ZNF318: variants seen among roughly 807,000 people sequenced by gnomAD.
ZNF318 encodes the protein zinc finger protein 318, also known as endocrine regulator.
In ZNF318, 51 loss-of-function variants were observed where a neutral mutation model predicts 124.2. That is an observed-to-expected ratio of 0.41 (90% CI 0.33 to 0.52). ZNF318 has a LOEUF of 0.52. Among genes scored for constraint, ZNF318 ranks in the 20% least tolerant of loss-of-function variants. The probability of loss-of-function intolerance (pLI) is 0.23; values close to 1 mark genes in which losing one functional copy is unlikely to be tolerated. For missense variants in ZNF318, 2,815 were observed against 2,811.2 expected, an observed-to-expected ratio of 1.00 and a Z score of -0.03; for synonymous variants, 1,090 against 1,040.7, an observed-to-expected ratio of 1.05 and a Z score of -0.91.
chr6:43,348,686 T>C (rs1184289712), intron 5 of ZNF318, 61 bp from the exon 6 acceptor site: 9 of 1,552,318 alleles, frequency 5.8e-6, no homozygotes, highest in Non-Finnish European at 5.2e-6. Flanking sequence ...CATTTCTCAT[T>C]TACAAGCAAT....
chr6:43,362,194 G>T (rs1779688418), intron 2 of ZNF318, among the ~76,000 whole-genome samples: 1 of 152,000 alleles, frequency 6.6e-6, no homozygotes, highest in South Asian at 2.1e-4. Flanking sequence ...AGGCGCGGTG[G>T]CTCACACCTG....
Position 43,340,081 on chromosome 6 carries a change from T to G in ZNF318, c.3917A>C (p.Asp1306Ala), listed in dbSNP as rs1385886257. ...AGCTTCAGTTTTGCCATCCTCTTTG[T>G]CCTTACTACTTTCTAGAATCTCTTC... ...SKEEILESSK[D>A]KEDGKTEAGK... is the part of the protein sequence containing the mutation. Residue 1306 changes from aspartate (D) to alanine (A), a missense_variant, in exon 10 of 10, where the codon GAC becomes GCC. By Grantham distance (126) the Asp-to-Ala change is moderately radical. Around this residue, in one of 4 missense-constraint regions of ZNF318, gnomAD observed 500 missense variants for 605.2 expected, o/e 0.83. Coordinates refer to ENST00000361428, the MANE Select transcript of ZNF318 (RefSeq NM_014345.3). The G allele has an allele frequency of 1.2e-6, 2 of 1,614,226 alleles. No individual in the cohort carries two copies. The highest frequency in any genetic ancestry group is 4.5e-5 in the East Asian group (2 of 44,880).
intron 6 of ZNF318, among the ~76,000 whole-genome samples, chr6:43,346,434 TTG>T (rs1362728758): frequency 1.3e-5 from 2 of 150,454 alleles, no homozygotes; most frequent in Non-Finnish European, 2.9e-5. Context: ...TGAGCCGAGA[TTG>T]CGCCACTGCA....
At position 43,355,774 on chromosome 6, in the gene ZNF318, T is replaced by C. The variant is rs748331456; in HGVS notation, c.1560A>G (p.Thr520=). Residue 520 remains threonine, a synonymous_variant, in exon 4 of 10, where the codon ACA becomes ACG. Coordinates refer to ENST00000361428, the MANE Select transcript of ZNF318 (RefSeq NM_014345.3). ...ILSMLADSTS[T]QEKRRRSFPD... ...GAAAGCTACGTCGCCTTTTTTCCTG[T>C]GTACTGGTAGAATCAGCCAACATGC... 1 of 1,614,254 alleles carries C rather than the reference T, an allele frequency of 6.2e-7. No homozygotes were observed. Among genetic ancestry groups the C allele is most frequent in the East Asian group, 2.2e-5 (1 of 44,894 alleles).
Position 43,369,508 on chromosome 6 carries a change from G to GGCCCCGCGTC in ZNF318, c.-153_-144dup, listed in dbSNP as rs1779809958. ...GCCGCGGGAGCAGCCCCCTCCCCTC[G>GGCCCCGCGTC]GCCCCGCGTCGCCCCGGGGGCCCGG... is the stretch of plus-strand genomic sequence containing the variant. On this transcript the variant is annotated 5_prime_UTR_variant, in exon 1 of 10. Transcript: ENST00000361428. 1.7e-6 allele frequency: 1 copy of GGCCCCGCGTC among 590,092 alleles called. No individual in the cohort carries two copies. Among genetic ancestry groups the GGCCCCGCGTC allele is most frequent in the Non-Finnish European group, 2.2e-6 (1 of 462,672 alleles). 36.6% of individuals were successfully genotyped at this position (590,092 alleles called of 1,614,324 possible).
chr6:43,367,209 T>G (rs1464107818), intron 1 of ZNF318, among the ~76,000 whole-genome samples: 1 of 152,218 alleles, frequency 6.6e-6, no homozygotes, highest in Non-Finnish European at 1.5e-5. Context: ...ACCATCGCAT[T>G]TCTAACTTCA....
At chr6:43,358,333 C>T (rs1446189715) in intron 2 of ZNF318, among the ~76,000 whole-genome samples, 2 of 150,300 alleles carry the variant, frequency 1.3e-5, no homozygotes, top group African/African-American at 4.9e-5. Flanking sequence ...CTGCAAGCTC[C>T]GCCTCTCAGG....
chr6:43,344,868 G>T (rs1562130082), intron 6 of ZNF318, among the ~76,000 whole-genome samples: 1 of 150,992 alleles, frequency 6.6e-6, no homozygotes, highest in South Asian at 2.1e-4. Flanking sequence ...TAATGTATTT[G>T]GAATATATAA....
Position 43,369,356 on chromosome 6 carries a change from T to G in ZNF318, c.10A>C (p.Ser4Arg). The G allele has an allele frequency of 5.3e-6, 7 of 1,322,164 alleles. No homozygotes were observed. Among genetic ancestry groups the G allele is most frequent in the Non-Finnish European group, 6.8e-6 (7 of 1,029,040 alleles). 81.9% of individuals were successfully genotyped at this position (1,322,164 alleles called of 1,614,324 possible). ...GAAGAGACGGAGGAGCGAGCGCTGC[T>G]GCGGTACATGGTTCTTGCAGCGGCG... Reference protein sequence around the residue: MYRSSARSSVSSHR... With the variant: MYRRSARSSVSSHR... The change falls in exon 1 of 10, where the codon AGC (serine) becomes CGC (arginine). Residue 4 changes from serine to arginine, a missense_variant. By Grantham distance (110) the Ser-to-Arg change is moderately radical. Transcript: ENST00000361428.
intron 5 of ZNF318, among the ~76,000 whole-genome samples, chr6:43,351,856 T>C (rs905576202): frequency 2.0e-5 from 3 of 151,850 alleles, no homozygotes; most frequent in African/African-American, 7.3e-5. Context: ...ATGTTAATAA[T>C]CTGGCAGGGT....
In ZNF318 at chr6:43,340,265, C is replaced by T; in HGVS notation, c.3733G>A (p.Glu1245Lys). The change falls in exon 10 of 10, where the codon GAA becomes AAA. Residue 1245 changes from glutamate (E) to lysine (K), a missense_variant. Physicochemically the swap from Glu to Lys is moderately conservative, Grantham distance 56. Around this residue, in one of 4 missense-constraint regions of ZNF318, gnomAD observed 500 missense variants for 605.2 expected, o/e 0.83. Transcript: ENST00000361428. ...GTGTTCCTTTTATTTTCAGCTTTTTCAGGGGAGTTCCTACCCTCAGAGAGT... is the reference window on the plus strand; with the variant it reads ...GTGTTCCTTTTATTTTCAGCTTTTTTAGGGGAGTTCCTACCCTCAGAGAGT... ...DQLSEGRNSP[E>K]KAENKRNTGI... 3.1e-6 allele frequency: 5 copies of T among 1,613,930 alleles called. No individual in the cohort carries two copies. The highest frequency in any genetic ancestry group is 4.2e-6 in the Non-Finnish European group (5 of 1,179,976).
intron 6 of ZNF318, among the ~76,000 whole-genome samples, chr6:43,346,542 A>C (rs2150751315): frequency 6.6e-6 from 1 of 151,262 alleles, no homozygotes; most frequent in Admixed American, 6.6e-5. Context: ...AAAAAAAAAA[A>C]AAAGCAGCTC....
Position 43,340,180 on chromosome 6 carries a change from AAAG to A in ZNF318, c.3815_3817del (p.Ser1272del), listed in dbSNP as rs751681407. ...TGGCTTCTTCCAGCTGAATTTCCCA[AAAG>A]AAGATGATGTTGGTGATTCCTTCTT... On this transcript the variant is annotated inframe_deletion, in exon 10 of 10. Coordinates refer to ENST00000361428, the MANE Select transcript of ZNF318 (RefSeq NM_014345.3). The A allele has an allele frequency of 2.0e-5, 32 of 1,614,092 alleles. No individual in the cohort carries two copies. The South Asian group carries it at 2.9e-4, about 14-fold the overall frequency.
chr6:43,338,135 C>T lies in ZNF318; in HGVS notation c.5863G>A (p.Glu1955Lys). Reference sequence around the variant, plus strand: ...TTGTTTTCATCCCAAACAGCCAACTCATAGATCTTTTTAACTTGAAAGTCT... The same window carrying T: ...TTGTTTTCATCCCAAACAGCCAACTTATAGATCTTTTTAACTTGAAAGTCT... ...SKDFQVKKIY[E>K]LAVWDENKKR... is the part of the protein sequence containing the mutation. The change falls in exon 10 of 10, where the codon GAG becomes AAG. Residue 1955 changes from glutamate (E) to lysine (K), a missense_variant. By Grantham distance (56) the Glu-to-Lys change is moderately conservative (BLOSUM62 1). Around this residue, in one of 4 missense-constraint regions of ZNF318, gnomAD observed 927 missense variants for 820.6 expected, o/e 1.13. Transcript: ENST00000361428. 1 of 1,613,848 alleles carries T rather than the reference C, an allele frequency of 6.2e-7. No individual in the cohort carries two copies. The highest frequency in any genetic ancestry group is 1.1e-5 in the South Asian group (1 of 90,994).
At chr6:43,342,925 G>C in intron 6 of ZNF318, 46 bp from the exon 7 acceptor site, 1 of 1,498,248 alleles carries the variant, frequency 6.7e-7, no homozygotes, top group Non-Finnish European at 9.1e-7. Flanking sequence ...AGGCAATCTA[G>C]ACTTGTCTTC....
intron 8 of ZNF318, 43 bp downstream of exon 8, chr6:43,342,069 C>T (rs1428662498): frequency 1.3e-6 from 2 of 1,552,216 alleles, no homozygotes; most frequent in Non-Finnish European, 1.8e-6. Context: ...TCTTCCTCAA[C>T]TGAATGTAAG....
At chr6:43,359,889 G>A (rs2150756201) in intron 2 of ZNF318, among the ~76,000 whole-genome samples, 1 of 152,200 alleles carries the variant, frequency 6.6e-6, no homozygotes, top group East Asian at 1.9e-4. Context: ...GGAATAAATG[G>A]GAATAAACCA....
At chr6:43,360,178 TACTA>T (rs1314898309) in intron 2 of ZNF318, among the ~76,000 whole-genome samples, 3 of 152,038 alleles carry the variant, frequency 2.0e-5, no homozygotes, top group Admixed American at 6.6e-5. Context: ...TCTAAACCAG[TACTA>T]ACTATCAAGA....
At position 43,352,623 on chromosome 6, in the gene ZNF318, T is replaced by C. The variant is rs1334770170; in HGVS notation, c.2671-147A>G. The C allele has an allele frequency of 5.9e-6, 4 of 680,420 alleles. 1 individual carries two copies. The highest frequency in any genetic ancestry group is 1.8e-5 in the African/African-American group (1 of 55,334). 42.1% of individuals were successfully genotyped at this position (680,420 alleles called of 1,614,324 possible). A position where few individuals can be genotyped will look rare whatever the true frequency, so the allele number is the denominator to read the frequency against. On this transcript the variant is annotated intron_variant, in intron 4 of 9. Transcript: ENST00000361428. ...GGCTCTGACCTTACTGTCAAAGTAA[T>C]ATTTCGTTCTAAGTTCCAGAATAGA... is the stretch of plus-strand genomic sequence containing the variant.
Sources: allele counts gnomAD v4.1 joint callset (sites outside exome capture counted in the v4.1 genomes callset), GRCh38; gene constraint gnomAD v4.1.1; regional missense constraint gnomAD v4.1.1; transcripts MANE v1.5; gene names NCBI Gene and HGNC (gene_info 2026-07-23, HGNC 2026-07-21).